Variants in CSMD2 observed in about 807,000 individuals in gnomAD.
The protein encoded by CSMD2 is CUB and sushi domain-containing protein 2.
In CSMD2, 130 loss-of-function variants were observed where a neutral mutation model predicts 398.5. That is an observed-to-expected ratio of 0.33 (90% CI 0.28 to 0.38). The LOEUF is 0.38. Ranked by LOEUF, CSMD2 falls within the 10% of genes least tolerant of loss-of-function variation. The pLI, the probability that CSMD2 is intolerant of heterozygous loss-of-function variation, is 1.00. For missense variants in CSMD2, 3,829 were observed against 4,764.9 expected (o/e 0.80, Z 5.78); for synonymous variants, 1,828 against 1,908.5 (o/e 0.96, Z 1.10).
chr1:33,687,178 C>G (rs1300942551), intron 25 of CSMD2, among the ~76,000 whole-genome samples: 1 of 152,152 alleles, frequency 6.6e-6, no homozygotes, highest in African/African-American at 2.4e-5. Context: ...AACAATAAAA[C>G]TCATGGGACA....
At chr1:34,124,983 G>T (rs1242036391) in intron 1 of CSMD2, among the ~76,000 whole-genome samples, 1 of 152,066 alleles carries the variant, frequency 6.6e-6, no homozygotes. Flanking sequence ...AAACACTCAG[G>T]GAGTCTTACA....
chr1:33,686,775 C>T (rs1355223459), intron 25 of CSMD2, among the ~76,000 whole-genome samples: 1 of 152,220 alleles, frequency 6.6e-6, no homozygotes, highest in East Asian at 1.9e-4. Flanking sequence ...GCCTCATCGG[C>T]TAGCCTGCTG....
Position 33,514,345 on chromosome 1 carries a change from G to A in CSMD2, c.*2279C>T, listed in dbSNP as rs1201440395. 2.0e-5 allele frequency: 3 copies of A among 148,556 alleles called. No individual in the cohort carries two copies. Among genetic ancestry groups the A allele is most frequent in the African/African-American group, 7.5e-5 (3 of 40,240 alleles). The allele number at this position is 148,556 out of a possible 1,614,324, so 9.2% of individuals were successfully genotyped here. A position where few individuals can be genotyped will look rare whatever the true frequency, so the allele number is the denominator to read the frequency against. ...AATAAAAATATATCTCTGTACAAAA[G>A]ATTTTTTTTGTCTTTGTTTTACTTT... On this transcript the variant is annotated 3_prime_UTR_variant, in exon 71 of 71. Transcript: ENST00000373381.
chr1:33,948,496 T>C (rs371717430), intron 3 of CSMD2, among the ~76,000 whole-genome samples: 1 of 152,098 alleles, frequency 6.6e-6, no homozygotes, highest in Non-Finnish European at 1.5e-5. Context: ...CATGCATATA[T>C]AAAAACAGGC....
At chr1:33,544,795 G>A (rs1042859469) in intron 57 of CSMD2, among the ~76,000 whole-genome samples, 2 of 148,718 alleles carry the variant, frequency 1.3e-5, no homozygotes, top group African/African-American at 5.0e-5. Flanking sequence ...CTTGAGTGAT[G>A]GACACTGTAA....
intron 13 of CSMD2, among the ~76,000 whole-genome samples, chr1:33,754,660 T>C (rs568940686): frequency 8.5e-5 from 13 of 152,324 alleles, no homozygotes; most frequent in African/African-American, 2.9e-4. Flanking sequence ...TGTACAAAGT[T>C]ACAAGGTAAA....
chr1:33,759,271 A>G (rs1188714128), intron 13 of CSMD2, among the ~76,000 whole-genome samples: 4 of 149,374 alleles, frequency 2.7e-5, no homozygotes, highest in Admixed American at 6.7e-5. Context: ...TGAGGGGGAG[A>G]GAGGTAGGAA....
chr1:33,522,777 C>G (rs1462811439), intron 67 of CSMD2, among the ~76,000 whole-genome samples: 1 of 152,212 alleles, frequency 6.6e-6, no homozygotes, highest in East Asian at 1.9e-4. Context: ...AAGGTATGGC[C>G]AGAGAAGTGT....
chr1:33,927,820 T>C (rs1644178260), intron 4 of CSMD2, among the ~76,000 whole-genome samples: 1 of 152,168 alleles, frequency 6.6e-6, no homozygotes, highest in Non-Finnish European at 1.5e-5. Flanking sequence ...AAAGTGCTGG[T>C]CCAGCTACCA....
intron 4 of CSMD2, among the ~76,000 whole-genome samples, chr1:33,933,256 G>A (rs1384339819): frequency 2.0e-5 from 3 of 152,168 alleles, no homozygotes; most frequent in African/African-American, 7.2e-5. Flanking sequence ...GCAGAAGCAG[G>A]GGTAGGGAGA....
chr1:33,803,138 T>C (rs1241887371), intron 10 of CSMD2, among the ~76,000 whole-genome samples: 1 of 152,226 alleles, frequency 6.6e-6, no homozygotes, highest in Non-Finnish European at 1.5e-5. Flanking sequence ...AAACTCTTCC[T>C]GTGTTTGCAT....
At chr1:33,991,538 T>A (rs1477199887) in intron 3 of CSMD2, among the ~76,000 whole-genome samples, 3 of 152,128 alleles carry the variant, frequency 2.0e-5, no homozygotes, top group Non-Finnish European at 4.4e-5. Flanking sequence ...TAGTCATAGG[T>A]TTCCCTGCCT....
rs1655889649 is a variant in CSMD2 at position 33,537,292 on chromosome 1, C to G, written c.9805+144G>C. ...ACACTAGCTCTGGCTATTTTACATC[C>G]TGCTGCAGAAGCTCAGAGGATGAGA... On this transcript the variant is annotated intron_variant, in intron 61 of 70. Transcript: ENST00000373381. This position sits in a 1 kb window ranked among gnomAD's most constrained non-coding sequence, Gnocchi z 4.6. 1 of 1,123,518 alleles carries G rather than the reference C, an allele frequency of 8.9e-7. No individual in the cohort carries two copies. The highest frequency in any genetic ancestry group is 1.6e-5 in the African/African-American group (1 of 64,388). The allele number at this position is 1,123,518 out of a possible 1,614,324, so 69.6% of individuals were successfully genotyped here.
intron 1 of CSMD2, among the ~76,000 whole-genome samples, chr1:34,093,682 A>G (rs1003185479): frequency 2.0e-5 from 3 of 151,890 alleles, no homozygotes; most frequent in Admixed American, 6.6e-5. Context: ...AATGAATGAA[A>G]TGAAGTGAGA....
intron 26 of CSMD2, among the ~76,000 whole-genome samples, chr1:33,659,122 CA>C (rs1158762178): frequency 6.6e-6 from 1 of 152,196 alleles, no homozygotes; most frequent in Admixed American, 6.5e-5. Flanking sequence ...ATTAAAAATT[CA>C]AAATACTCAG....
Position 33,734,915 on chromosome 1 carries a change from G to C in CSMD2, c.2368+4225C>G, listed in dbSNP as rs183172267. Among the ~76,000 whole-genome samples, 294 of 152,232 alleles carry C rather than the reference G, an allele frequency of 1.9e-3. 1 individual carries two copies. In the Middle Eastern group the frequency reaches 0.02, roughly 11 times the overall value. ...TCAGCTCTTTGTCTTTTAATAGGGA[G>C]TTTAATTACTTTTATTATCATAACT... On this transcript the variant is annotated intron_variant, in intron 15 of 70. Coordinates refer to ENST00000373381, the MANE Select transcript of CSMD2 (RefSeq NM_001281956.2).
At position 33,944,022 on chromosome 1, in the gene CSMD2, T is replaced by C. The variant is rs200500390; in HGVS notation, c.518-8068A>G. Among the ~76,000 whole-genome samples, 10 of 151,936 alleles carry C rather than the reference T, an allele frequency of 6.6e-5. No homozygotes were observed. The East Asian group carries it at 1.7e-3, about 26-fold the overall frequency. On this transcript the variant is annotated intron_variant, in intron 3 of 70. Transcript: ENST00000373381. ...TCCATACAGGGCCAGATAGTAAATA[T>C]TTTTTGGCCTTGCAGGCTATATGGT...
rs199932348 is a variant in CSMD2 at position 33,542,760 on chromosome 1, C to T, written c.9237G>A (p.Ser3079=). ...CACTGCCTGTCCAGGTACCATTGAC[C>T]GAGCAGTGACGGCTGAGCAGGCCTG... is the stretch of plus-strand genomic sequence containing the variant. ...YATGLLSRHC[S]VNGTWTGSDP... is the part of the protein sequence containing the mutation. Residue 3079 remains serine (S), a synonymous_variant, in exon 58 of 71, where the codon TCG becomes TCA. Coordinates refer to ENST00000373381, the MANE Select transcript of CSMD2 (RefSeq NM_001281956.2). 3.0e-5 allele frequency: 49 copies of T among 1,613,890 alleles called. No homozygotes were observed. Among genetic ancestry groups the T allele is most frequent in the Admixed American group, 1.0e-4 (6 of 59,992 alleles).
At chr1:33,810,995 G>T in intron 9 of CSMD2, 131 bp from the exon 10 acceptor site, 1 of 1,005,724 alleles carries the variant, frequency 9.9e-7, no homozygotes, top group Non-Finnish European at 1.4e-6. Context: ...CTGCTTCCTG[G>T]GTCCTTCCTC....
Sources: gnomAD v4.1 joint callset for allele counts (sites outside exome capture counted in the v4.1 genomes callset) on GRCh38, gnomAD v4.1.1 for gene constraint, Gnocchi (gnomAD v3.1) non-coding constraint, MANE v1.5 for transcripts, NCBI Gene and HGNC (gene_info 2026-07-23, HGNC 2026-07-21) for gene names.